The following LY9 variants were observed in gnomAD, a reference collection of about 807,000 sequenced individuals.
LY9 encodes T-lymphocyte surface antigen Ly-9.
Under a neutral mutation model 64.6 loss-of-function variants are expected in LY9, and 59 were observed. The ratio of observed to expected loss-of-function variants is 0.91; its 90% confidence interval spans 0.74 to 1.13. LY9 has a LOEUF of 1.13. Among genes scored for constraint, LY9 ranks in the 50% most tolerant of loss-of-function variants. The pLI, the probability that LY9 is intolerant of heterozygous loss-of-function variation, is 0.00. For synonymous variants in LY9, 281 were observed against 308.5 expected, an observed-to-expected ratio of 0.91 and a Z score of 0.93; for missense variants, 789 against 797.2, an observed-to-expected ratio of 0.99 and a Z score of 0.12.
intron 8 of LY9, 141 bp from the exon 9 acceptor site, chr1:160,824,040 C>T (rs972841271): frequency 8.0e-6 from 8 of 999,712 alleles, no homozygotes; most frequent in Admixed American, 2.2e-5. Flanking sequence ...CCAGAGGCAC[C>T]GTCCCCACTG....
chr1:160,827,073 T>C (rs1571072572), intron 9 of LY9, among the ~76,000 whole-genome samples: 1 of 152,252 alleles, frequency 6.6e-6, no homozygotes, highest in African/African-American at 2.4e-5. Flanking sequence ...CTATATCTTT[T>C]GTCTTCAGAA....
rs1483053535 is a variant in LY9, at chr1:160,813,807, T to C, written c.626T>C (p.Val209Ala). 1 of 1,613,986 alleles carries C rather than the reference T, an allele frequency of 6.2e-7. No individual in the cohort carries two copies. Among genetic ancestry groups the C allele is most frequent in the Non-Finnish European group, 8.5e-7 (1 of 1,180,000 alleles). The change falls in exon 3 of 10, where the codon GTC (valine) becomes GCC (alanine). Residue 209 changes from valine (V) to alanine (A), a missense_variant. Coordinates refer to ENST00000263285, the MANE Select transcript of LY9 (RefSeq NM_002348.4). ...TCCAATGGAGGCTCCATTCTTACCG[T>C]CTCCCGAACACCATGTGACCCAGAC... ...SESNGGSILT[V>A]SRTPCDPDLP...
At chr1:160,826,255 T>G (rs944037449) in intron 9 of LY9, among the ~76,000 whole-genome samples, 1 of 152,130 alleles carries the variant, frequency 6.6e-6, no homozygotes, top group African/African-American at 2.4e-5. Flanking sequence ...TTGAGTAGGC[T>G]GAGGAGGAAG....
At chr1:160,813,415 C>T in intron 2 of LY9, 1 of 585,352 alleles carries the variant, frequency 1.7e-6, no homozygotes. Flanking sequence ...AGTAATCAGA[C>T]TATTAGTCAT....
chr1:160,798,785 CT>C, intron 1 of LY9: 1 of 152,320 alleles, frequency 6.6e-6, no homozygotes, highest in Non-Finnish European at 1.5e-5. Context: ...GCTTATGCTC[CT>C]TTTTTGTCTC....
intron 7 of LY9, among the ~76,000 whole-genome samples, chr1:160,821,988 G>A (rs2027015): frequency 0.47 from 70,902 of 152,032 alleles, 17,635 homozygotes; most frequent in Non-Finnish European, 0.57. Context: ...GCTTCATGGG[G>A]TTTTAGGCAG....
intron 2 of LY9, among the ~76,000 whole-genome samples, chr1:160,804,346 T>C (rs900723393): frequency 2.6e-5 from 4 of 152,226 alleles, no homozygotes; most frequent in African/African-American, 7.2e-5. Context: ...ATTGAGATGA[T>C]CATATGGTTT....
intron 2 of LY9, chr1:160,802,259 C>G (rs1666567133): frequency 9.7e-7 from 1 of 1,032,430 alleles, no homozygotes; most frequent in African/African-American, 1.7e-5. Flanking sequence ...CCAAGCCTGT[C>G]CACCCTGCAA....
At chr1:160,801,779 A>C in intron 2 of LY9, 1 of 1,604,692 alleles carries the variant, frequency 6.2e-7, no homozygotes, top group Non-Finnish European at 8.5e-7. Flanking sequence ...GTGACTATTC[A>C]ATTTTCCCAG....
At position 160,800,339 on chromosome 1, in the gene LY9, C is replaced by T. The variant is rs1666333648; in HGVS notation, c.454+257C>T. 7.6e-6 allele frequency: 3 copies of T among 397,216 alleles called. No individual in the cohort carries two copies. In the East Asian group the frequency reaches 1.4e-4, roughly 19 times the overall value. The allele number at this position is 397,216 out of a possible 1,614,324, so 24.6% of individuals were successfully genotyped here. ...CCCACTTCTCTTCATCATCCCCCCACCACCCACTCCCCACACTCACCCTTC... is the reference window on the plus strand; with the variant it reads ...CCCACTTCTCTTCATCATCCCCCCATCACCCACTCCCCACACTCACCCTTC... On this transcript the variant is annotated intron_variant, in intron 2 of 9. Transcript: ENST00000263285.
chr1:160,809,525 T>G (rs1455386837), intron 2 of LY9, among the ~76,000 whole-genome samples: 2 of 151,862 alleles, frequency 1.3e-5, no homozygotes, highest in Non-Finnish European at 2.9e-5. Context: ...CAATTTTTAT[T>G]TATTATTATT....
chr1:160,818,148 T>G (rs771569896), intron 5 of LY9, 70 bp from the exon 6 acceptor site: 153 of 986,354 alleles, frequency 1.6e-4, no homozygotes, highest in Non-Finnish European at 2.3e-4. Context: ...GGCCATCATG[T>G]TCTGTGCATT....
chr1:160,816,500 C>T, intron 4 of LY9, 94 bp from the exon 5 acceptor site: 1 of 1,406,424 alleles, frequency 7.1e-7, no homozygotes, highest in Non-Finnish European at 9.6e-7. Flanking sequence ...AGTATCAACA[C>T]TCAGCTTCAT....
At chr1:160,827,464 G>A (rs1053387979) in intron 9 of LY9, among the ~76,000 whole-genome samples, 2 of 152,314 alleles carry the variant, frequency 1.3e-5, no homozygotes, top group Non-Finnish European at 2.9e-5. Context: ...CAGTAGCTTC[G>A]TGAGGGCAAG....
At chr1:160,798,536 A>G (rs1239272756) in intron 1 of LY9, among the ~76,000 whole-genome samples, 1 of 151,950 alleles carries the variant, frequency 6.6e-6, no homozygotes, top group Non-Finnish European at 1.5e-5. Context: ...CCTCACATCA[A>G]CTCAGCCTGA....
In LY9 at chr1:160,824,238, C is replaced by G; in HGVS notation, c.1888C>G (p.Arg630Gly). The change falls in exon 9 of 10, where the codon CGG (arginine) becomes GGG (glycine). Residue 630 changes from arginine (R) to glycine (G), a missense_variant. Physicochemically the swap from Arg to Gly is moderately radical, Grantham distance 125 (BLOSUM62 -2). Transcript: ENST00000263285. Reference sequence around the variant, plus strand: ...CTCAGCCACAATCTACTGCTCCATACGGAAACCTCAGGTGGTGAGAACTAC... The same window carrying G: ...CTCAGCCACAATCTACTGCTCCATAGGGAAACCTCAGGTGGTGAGAACTAC... Reference protein sequence around the residue: ...ESSATIYCSIRKPQVVPPPQQ... With the variant: ...ESSATIYCSIGKPQVVPPPQQ... The G allele has an allele frequency of 6.2e-7, 1 of 1,614,114 alleles. No homozygotes were observed. Among genetic ancestry groups the G allele is most frequent in the Non-Finnish European group, 8.5e-7 (1 of 1,179,962 alleles).
chr1:160,818,337 A>G lies in LY9; in HGVS notation c.1444+18A>G. 1.3e-6 allele frequency: 2 copies of G among 1,597,414 alleles called. No homozygotes were observed. Among genetic ancestry groups the G allele is most frequent in the South Asian group, 1.1e-5 (1 of 90,722 alleles). On this transcript the variant is annotated intron_variant, in intron 6 of 9. Transcript: ENST00000263285. The stretch of plus-strand genomic sequence containing the variant: ...AGGACGGTGTGAGTTTCCGAGATCA[A>G]TGTTGTCCGCCAGTGCTAGGCCATT...
At chr1:160,820,857 T>TTTTTTTTA (rs1668372393) in intron 7 of LY9, among the ~76,000 whole-genome samples, 1 of 150,774 alleles carries the variant, frequency 6.6e-6, no homozygotes. Flanking sequence ...TTTTTTTTTT[T>TTTTTTTTA]AATTCAAAAG....
chr1:160,807,608 G>C (rs572490909), intron 2 of LY9, among the ~76,000 whole-genome samples: 39 of 151,982 alleles, frequency 2.6e-4, no homozygotes, highest in South Asian at 4.2e-4. Context: ...CAGGCCCCCT[G>C]GCAGTCAGTG....
Sources: gnomAD v4.1 joint callset for allele counts (sites outside exome capture counted in the v4.1 genomes callset) on GRCh38, gnomAD v4.1.1 for gene constraint, MANE v1.5 for transcripts, NCBI Gene and HGNC (gene_info 2026-07-23, HGNC 2026-07-21) for gene names.